The following NDFIP2 variants were observed in gnomAD, a reference collection of about 807,000 sequenced individuals.
NDFIP2 encodes the protein NEDD4 family-interacting protein 2.
A neutral mutation model predicts 36.0 loss-of-function variants in NDFIP2; 19 were observed. That is an observed-to-expected ratio of 0.53 (90% CI 0.37 to 0.77). The LOEUF is 0.77. Ranked by LOEUF, NDFIP2 falls within the 30% of genes least tolerant of loss-of-function variation. The probability of loss-of-function intolerance (pLI) is 0.00; values close to 1 mark genes in which losing one functional copy is unlikely to be tolerated. For synonymous variants in NDFIP2, 181 were observed against 167.7 expected, an observed-to-expected ratio of 1.08 and a Z score of -0.61; for missense variants, 446 against 435.8, an observed-to-expected ratio of 1.02 and a Z score of -0.21.
chr13:79,515,084 C>G (rs943817448), intron 1 of NDFIP2, among the ~76,000 whole-genome samples: 7 of 152,156 alleles, frequency 4.6e-5, no homozygotes, highest in Non-Finnish European at 4.4e-5. Flanking sequence ...CTACTACATA[C>G]CTTGGCCGTA....
At chr13:79,506,669 A>G (rs890651004) in intron 1 of NDFIP2, among the ~76,000 whole-genome samples, 2 of 152,124 alleles carry the variant, frequency 1.3e-5, no homozygotes, top group Admixed American at 6.5e-5. Flanking sequence ...ACATATAAGT[A>G]TAAAGAGACA....
intron 1 of NDFIP2, among the ~76,000 whole-genome samples, chr13:79,489,623 C>T (rs1287387530): frequency 1.3e-5 from 2 of 152,146 alleles, no homozygotes; most frequent in African/African-American, 4.8e-5. Context: ...TCCATCCACT[C>T]TTAAGTTGTG....
At chr13:79,503,788 T>TA (rs1245128098) in intron 1 of NDFIP2, among the ~76,000 whole-genome samples, 1 of 152,196 alleles carries the variant, frequency 6.6e-6, no homozygotes, top group African/African-American at 2.4e-5. Flanking sequence ...TTATAAATCT[T>TA]ACTCACTGGG....
chr13:79,490,324 G>A (rs925544959), intron 1 of NDFIP2, among the ~76,000 whole-genome samples: 1 of 152,164 alleles, frequency 6.6e-6, no homozygotes, highest in African/African-American at 2.4e-5. Flanking sequence ...AGAATTTTAA[G>A]ACAGTGATCA....
intron 3 of NDFIP2, among the ~76,000 whole-genome samples, chr13:79,537,214 TCTC>T (rs568866483): frequency 1.3e-5 from 2 of 152,098 alleles, no homozygotes; most frequent in South Asian, 4.2e-4. Flanking sequence ...TTCAAATGAT[TCTC>T]CTGCCTTAGC....
chr13:79,541,112 T>C (rs1875439130), intron 4 of NDFIP2, among the ~76,000 whole-genome samples: 1 of 152,088 alleles, frequency 6.6e-6, no homozygotes, highest in Non-Finnish European at 1.5e-5. Flanking sequence ...TTCATTGTTA[T>C]TATACCTTTT....
rs1398786383 is a variant in NDFIP2, at chr13:79,482,676, A to G, written c.321+1152A>G. ...TATTAATAAGTACATTTTGGCAAAT[A>G]TGAAGGAACTGTAAGATGAGATCCT... is the stretch of plus-strand genomic sequence containing the variant. On this transcript the variant is annotated intron_variant, in intron 1 of 7. Transcript: ENST00000218652. Among the ~76,000 whole-genome samples, 6 of 152,238 alleles carry G rather than the reference A, an allele frequency of 3.9e-5. 1 individual carries two copies. Among genetic ancestry groups the G allele is most frequent in the Admixed American group, 3.9e-4 (6 of 15,284 alleles).
Position 79,481,325 on chromosome 13 carries a change from C to A in NDFIP2, c.122C>A (p.Ala41Glu). 1 of 1,544,754 alleles carries A rather than the reference C, an allele frequency of 6.5e-7. No homozygotes were observed. The highest frequency in any genetic ancestry group is 1.4e-5 in the African/African-American group (1 of 73,252). The change falls in exon 1 of 8, where the codon GCG (alanine) becomes GAG (glutamate). Residue 41 changes from alanine to glutamate, a missense_variant. Physicochemically the swap from Ala to Glu is moderately radical, Grantham distance 107 (BLOSUM62 -1). Around this residue, in one of 2 missense-constraint regions of NDFIP2, gnomAD observed 369 missense variants for 304.8 expected, o/e 1.21. Transcript: ENST00000218652. The stretch of plus-strand genomic sequence containing the variant: ...AACGCGGAGGTCTCGGCGGCCGCTG[C>A]GGGAGCCACAGGAAGTGAAGAGCTT... Reference protein sequence around the residue: ...ATNAEVSAAAAGATGSEELPP... With the variant: ...ATNAEVSAAAEGATGSEELPP...
At chr13:79,491,311 A>G (rs935188752) in intron 1 of NDFIP2, among the ~76,000 whole-genome samples, 2 of 152,050 alleles carry the variant, frequency 1.3e-5, no homozygotes, top group African/African-American at 4.8e-5. Context: ...TCCTTTTTAT[A>G]TTTATTCTGT....
In NDFIP2 at chr13:79,502,076, A is replaced by G. The variant is rs570483018; in HGVS notation, c.322-18734A>G. ...CTGGAACATATTAGGCTTTTAGTAA[A>G]TGTTAGCTGAATGATGGATGACTAA... On this transcript the variant is annotated intron_variant, in intron 1 of 7. Coordinates refer to ENST00000218652, the MANE Select transcript of NDFIP2 (RefSeq NM_019080.3). Among the ~76,000 whole-genome samples, 4 of 152,228 alleles carry G rather than the reference A, an allele frequency of 2.6e-5. No homozygotes were observed. In the East Asian group the frequency reaches 5.8e-4, roughly 22 times the overall value.
At chr13:79,512,516 T>TC (rs1378986401) in intron 1 of NDFIP2, among the ~76,000 whole-genome samples, 1 of 151,990 alleles carries the variant, frequency 6.6e-6, no homozygotes, top group Non-Finnish European at 1.5e-5. Flanking sequence ...CAAATCTGTC[T>TC]CCCCAGTTTA....
At chr13:79,544,506 T>A (rs1875584013) in intron 5 of NDFIP2, among the ~76,000 whole-genome samples, 1 of 151,362 alleles carries the variant, frequency 6.6e-6, no homozygotes, top group African/African-American at 2.4e-5. Context: ...TTTTTTTTTT[T>A]AACTGTAAGA....
At position 79,509,241 on chromosome 13, in the gene NDFIP2, A is replaced by G. The variant is rs1484779874; in HGVS notation, c.322-11569A>G. Reference sequence around the variant, plus strand: ...ACATAAGATATCAATCAGTATGTGTAAGATGTACATTTATTTGGTTTGGAA... The same window carrying G: ...ACATAAGATATCAATCAGTATGTGTGAGATGTACATTTATTTGGTTTGGAA... On this transcript the variant is annotated intron_variant, in intron 1 of 7. Transcript: ENST00000218652. 5.9e-5 allele frequency among the ~76,000 whole-genome samples: 9 copies of G among 152,286 alleles called. 1 individual carries two copies. In the South Asian group the frequency reaches 1.9e-3, roughly 32 times the overall value.
At chr13:79,481,621 C>CT (rs923267692) in intron 1 of NDFIP2, 97 bp downstream of exon 1, 222 of 1,387,542 alleles carry the variant, frequency 1.6e-4, no homozygotes, top group Admixed American at 4.2e-4. Context: ...AAAGCTGTGG[C>CT]TTTTTTTTGT....
chr13:79,546,142 C>G (rs1294647795), intron 5 of NDFIP2, among the ~76,000 whole-genome samples: 1 of 152,138 alleles, frequency 6.6e-6, no homozygotes, highest in East Asian at 1.9e-4. Context: ...TATAATGCTC[C>G]AAGTAAAACA....
rs145299229 is a variant in NDFIP2, at chr13:79,546,072, A to G, written c.841-2256A>G. On this transcript the variant is annotated intron_variant, in intron 5 of 7. Transcript: ENST00000218652. ...TGAATTGACATCTACCTTGGTCTCAATTCATTGCCTATTTTCCTATTTCTG... is the reference window on the plus strand; with the variant it reads ...TGAATTGACATCTACCTTGGTCTCAGTTCATTGCCTATTTTCCTATTTCTG... 3.9e-5 allele frequency among the ~76,000 whole-genome samples: 6 copies of G among 152,262 alleles called. No homozygotes were observed. The East Asian group carries it at 7.7e-4, about 20-fold the overall frequency.
At chr13:79,486,944 A>C (rs1203923890) in intron 1 of NDFIP2, among the ~76,000 whole-genome samples, 1 of 152,166 alleles carries the variant, frequency 6.6e-6, no homozygotes, top group Non-Finnish European at 1.5e-5. Context: ...AGATTTGTGT[A>C]AGTACGCTCT....
At chr13:79,483,598 A>T (rs1250993206) in intron 1 of NDFIP2, among the ~76,000 whole-genome samples, 1 of 152,190 alleles carries the variant, frequency 6.6e-6, no homozygotes, top group African/African-American at 2.4e-5. Context: ...AGGCAAGTAT[A>T]CTTAGGGGTG....
rs539801821 is a variant in NDFIP2, at chr13:79,538,862, G to A, written c.622-820G>A. ...CCTTCCAAAGTGTGAGATTATAGGCGTGAGCCACAGCGCCTGGCCAGAATA... is the reference window on the plus strand; with the variant it reads ...CCTTCCAAAGTGTGAGATTATAGGCATGAGCCACAGCGCCTGGCCAGAATA... On this transcript the variant is annotated intron_variant, in intron 3 of 7. Coordinates refer to ENST00000218652, the MANE Select transcript of NDFIP2 (RefSeq NM_019080.3). Among the ~76,000 whole-genome samples the A allele has an allele frequency of 2.4e-4, 36 of 152,312 alleles. No homozygotes were observed. In the East Asian group the frequency reaches 6.7e-3, roughly 29 times the overall value.
Sources: allele counts gnomAD v4.1 joint callset (sites outside exome capture counted in the v4.1 genomes callset), GRCh38; gene constraint gnomAD v4.1.1; regional missense constraint gnomAD v4.1.1; transcripts MANE v1.5; gene names NCBI Gene and HGNC (gene_info 2026-07-23, HGNC 2026-07-21).